The following MACROD2 variants were observed in gnomAD, a reference collection of about 807,000 sequenced individuals.
MACROD2 encodes the protein mono-ADP ribosylhydrolase 2.
A neutral mutation model predicts 70.4 loss-of-function variants in MACROD2; 36 were observed. The observed-to-expected ratio is 0.51, with a 90% CI of 0.39 to 0.68. The LOEUF (loss-of-function observed/expected upper bound fraction) is 0.68, where lower values mean the gene tolerates loss of function less well. Among genes scored for constraint, MACROD2 ranks in the 30% least tolerant of loss-of-function variants. MACROD2 has a pLI of 0.00. For synonymous variants in MACROD2, 172 were observed against 178.8 expected (o/e 0.96, Z 0.30); for missense variants, 496 against 538.4 (o/e 0.92, Z 0.78).
intron 2 of MACROD2, among the ~76,000 whole-genome samples, chr20:14,013,187 T>C (rs901193478): frequency 6.6e-6 from 1 of 152,240 alleles, no homozygotes; most frequent in East Asian, 1.9e-4. Flanking sequence ...CTCTAAAAAA[T>C]GTTCCAATAT....
intron 10 of MACROD2, among the ~76,000 whole-genome samples, chr20:15,913,470 A>G (rs910832102): frequency 3.3e-5 from 5 of 152,168 alleles, no homozygotes; most frequent in Admixed American, 6.5e-5. Flanking sequence ...TAAGTCTGCA[A>G]TTATTTTTTC....
At chr20:14,913,097 G>A (rs1197254661) in intron 5 of MACROD2, among the ~76,000 whole-genome samples, 1 of 152,170 alleles carries the variant, frequency 6.6e-6, no homozygotes, top group East Asian at 1.9e-4. Flanking sequence ...GTGTATGGCT[G>A]TGTGAGTGTG....
intron 5 of MACROD2, among the ~76,000 whole-genome samples, chr20:15,209,637 T>C (rs373004713): frequency 5.9e-5 from 9 of 152,296 alleles, no homozygotes; most frequent in South Asian, 4.1e-4. Context: ...CTCACCTCAC[T>C]AGTGGATGCA....
intron 6 of MACROD2, among the ~76,000 whole-genome samples, chr20:15,362,880 G>A (rs900422705): frequency 1.3e-5 from 2 of 150,306 alleles, no homozygotes; most frequent in African/African-American, 4.9e-5. Context: ...TAAAGCTAAG[G>A]AATCTGATAT....
rs76397667 is a variant in MACROD2, at chr20:15,144,669, G to A, written c.419-85271G>A. Among the ~76,000 whole-genome samples, 100 of 152,256 alleles carry A rather than the reference G, an allele frequency of 6.6e-4. 1 individual carries two copies. The highest frequency in any genetic ancestry group is 1.3e-3 in the Non-Finnish European group (89 of 68,010). On this transcript the variant is annotated intron_variant, in intron 5 of 17. Coordinates refer to ENST00000684519, the MANE Select transcript of MACROD2 (RefSeq NM_001351661.2). ...CTTTGTTAAAAATAATCAGGTAAAT[G>A]TCACACTATGACTGAGATGGTGGTA...
intron 2 of MACROD2, among the ~76,000 whole-genome samples, chr20:14,024,633 G>A (rs2053133933): frequency 6.6e-6 from 1 of 152,108 alleles, no homozygotes; most frequent in Admixed American, 6.6e-5. Context: ...AGATAATCAT[G>A]TGGTTTTTGT....
chr20:14,940,311 G>C (rs1422770998), intron 5 of MACROD2, among the ~76,000 whole-genome samples: 1 of 152,146 alleles, frequency 6.6e-6, no homozygotes, highest in African/African-American at 2.4e-5. Context: ...TACTGCCTGA[G>C]CAACAGAGTG....
chr20:14,009,143 G>T (rs2148615307), intron 2 of MACROD2, among the ~76,000 whole-genome samples: 1 of 152,268 alleles, frequency 6.6e-6, no homozygotes, highest in Middle Eastern at 3.4e-3. Flanking sequence ...TAGAGTTTCT[G>T]CACAGCCAAA....
chr20:14,601,493 CT>C (rs1982495778), intron 4 of MACROD2, among the ~76,000 whole-genome samples: 1 of 151,740 alleles, frequency 6.6e-6, no homozygotes, highest in Admixed American at 6.6e-5. Flanking sequence ...AGCCACAATA[CT>C]TTTAGGAACC....
intron 8 of MACROD2, among the ~76,000 whole-genome samples, chr20:15,808,872 A>G (rs377270908): frequency 6.6e-6 from 1 of 152,214 alleles, no homozygotes; most frequent in African/African-American, 2.4e-5. Context: ...GAGTCGTTGA[A>G]CAAACAGTGA....
intron 6 of MACROD2, among the ~76,000 whole-genome samples, chr20:15,233,129 TC>T (rs1488585981): frequency 1.3e-5 from 2 of 152,078 alleles, no homozygotes; most frequent in African/African-American, 4.8e-5. Context: ...CTTTTAAATA[TC>T]TTCCCAGAGA....
intron 2 of MACROD2, among the ~76,000 whole-genome samples, chr20:14,037,636 T>C (rs1318689370): frequency 8.1e-6 from 1 of 122,778 alleles, no homozygotes; most frequent in Non-Finnish European, 1.7e-5. Flanking sequence ...CAACTGTGTG[T>C]GTGTTGGTGG....
intron 4 of MACROD2, among the ~76,000 whole-genome samples, chr20:14,582,655 AG>A (rs1981112702): frequency 6.6e-6 from 1 of 152,186 alleles, no homozygotes. Context: ...AGCACTTTAC[AG>A]TTAGGGTCCC....
At chr20:15,156,287 A>G (rs1029089575) in intron 5 of MACROD2, among the ~76,000 whole-genome samples, 1 of 152,152 alleles carries the variant, frequency 6.6e-6, no homozygotes, top group African/African-American at 2.4e-5. Flanking sequence ...CTACTAGCTC[A>G]TTGCTCAGCT....
chr20:14,122,601 T>C (rs2054601186), intron 3 of MACROD2, among the ~76,000 whole-genome samples: 1 of 152,180 alleles, frequency 6.6e-6, no homozygotes, highest in African/African-American at 2.4e-5. Flanking sequence ...ATTTTCCCCA[T>C]GATAAGATCA....
chr20:14,947,424 C>G (rs1346883559), intron 5 of MACROD2, among the ~76,000 whole-genome samples: 1 of 152,130 alleles, frequency 6.6e-6, no homozygotes, highest in Non-Finnish European at 1.5e-5. Flanking sequence ...ACGGGGGCAC[C>G]AGCAGTACCT....
intron 6 of MACROD2, among the ~76,000 whole-genome samples, chr20:15,416,770 G>C (rs1478506486): frequency 2.0e-5 from 3 of 152,004 alleles, no homozygotes; most frequent in Admixed American, 6.6e-5. Context: ...GGGGCGGTGG[G>C]GGGGCGCCGG....
chr20:14,178,541 A>G (rs1488399459), intron 3 of MACROD2, among the ~76,000 whole-genome samples: 1 of 152,134 alleles, frequency 6.6e-6, no homozygotes, highest in Non-Finnish European at 1.5e-5. Flanking sequence ...AGGAGTTAAT[A>G]GGTAAGACTC....
intron 8 of MACROD2, among the ~76,000 whole-genome samples, chr20:15,556,354 T>C (rs192470326): frequency 6.6e-6 from 1 of 152,348 alleles, no homozygotes; most frequent in African/African-American, 2.4e-5. Context: ...TAAAGAATCA[T>C]GGATCTCTTG....
Sources: gnomAD v4.1 joint callset for allele counts (sites outside exome capture counted in the v4.1 genomes callset) on GRCh38, gnomAD v4.1.1 for gene constraint, MANE v1.5 for transcripts, NCBI Gene and HGNC (gene_info 2026-07-23, HGNC 2026-07-21) for gene names.